The following ENOX1 variants were observed in gnomAD, a reference collection of about 807,000 sequenced individuals.
The protein encoded by ENOX1 is candidate growth-related and time keeping constitutive hydroquinone (NADH) oxidase.
ENOX1 carries 42 observed loss-of-function variants against 82.5 expected under a neutral mutation model. The ratio of observed to expected loss-of-function variants is 0.51; its 90% CI spans 0.40 to 0.66. The LOEUF (loss-of-function observed/expected upper bound fraction) is 0.66, where lower values mean the gene tolerates loss of function less well. Ranked by LOEUF, ENOX1 falls within the 30% of genes least tolerant of loss-of-function variation. The pLI is 0.00. For synonymous variants in ENOX1, 271 were observed against 282.2 expected (o/e 0.96, Z 0.40); for missense variants, 608 against 811.6 (o/e 0.75, Z 3.05).
intron 12 of ENOX1, among the ~76,000 whole-genome samples, chr13:43,277,213 T>C (rs2045097047): frequency 2.0e-5 from 3 of 152,204 alleles, no homozygotes; most frequent in South Asian, 4.1e-4. Flanking sequence ...TTTAATCTCG[T>C]CAATATCTTT....
chr13:43,383,508 G>C (rs1244463090), intron 5 of ENOX1, among the ~76,000 whole-genome samples: 1 of 152,092 alleles, frequency 6.6e-6, no homozygotes, highest in African/African-American at 2.4e-5. Context: ...TTATTATTTT[G>C]GGTTTGCAAT....
intron 12 of ENOX1, among the ~76,000 whole-genome samples, chr13:43,285,746 GCTGCACTGAGCCGAGATTGCGCCA>G (rs1199105362): frequency 8.1e-5 from 12 of 147,682 alleles, no homozygotes; most frequent in African/African-American, 3.0e-4. Context: ...GTAGGCAGAG[GCTGCACTGAGCCGAGATTGCGCCA>G]CTGCACTCCA....
At chr13:43,714,939 T>A (rs1327027767) in intron 1 of ENOX1, among the ~76,000 whole-genome samples, 1 of 152,184 alleles carries the variant, frequency 6.6e-6, no homozygotes, top group African/African-American at 2.4e-5. Context: ...ATATGTTAAT[T>A]TGGTCCTGTC....
intron 2 of ENOX1, among the ~76,000 whole-genome samples, chr13:43,485,930 G>T (rs1222632640): frequency 6.6e-6 from 1 of 152,186 alleles, no homozygotes; most frequent in African/African-American, 2.4e-5. Context: ...ACAAAAATTG[G>T]CCAGGTGCGG....
intron 2 of ENOX1, among the ~76,000 whole-genome samples, chr13:43,534,136 T>C (rs548929933): frequency 1.5e-5 from 2 of 137,282 alleles, no homozygotes; most frequent in East Asian, 3.9e-4. Flanking sequence ...TTCCGTTGTA[T>C]GAGTCCAACC....
In ENOX1 at chr13:43,497,779, A is replaced by G. The variant is rs147358318; in HGVS notation, c.-218-13627T>C. 5.6e-3 allele frequency among the ~76,000 whole-genome samples: 855 copies of G among 152,118 alleles called. 8 individuals are homozygous for G. The highest frequency in any genetic ancestry group is 0.019 in the African/African-American group (793 of 41,506). ...GACTAGAAGTGTTCTCCCCACCTCT[A>G]TTTCCCGTCTTTGTTTAAGACTGGT... On this transcript the variant is annotated intron_variant, in intron 2 of 16. Coordinates refer to ENST00000690772, the MANE Select transcript of ENOX1 (RefSeq NM_001347969.2).
chr13:43,448,578 G>A (rs552067491), intron 3 of ENOX1, among the ~76,000 whole-genome samples: 73 of 152,306 alleles, frequency 4.8e-4, no homozygotes, highest in African/African-American at 1.6e-3. Flanking sequence ...AACAGGAAAT[G>A]CAGCAGCACA....
intron 4 of ENOX1, among the ~76,000 whole-genome samples, chr13:43,412,323 G>T (rs1041365724): frequency 2.0e-5 from 3 of 152,136 alleles, no homozygotes; most frequent in Non-Finnish European, 2.9e-5. Context: ...TCGAAGAATT[G>T]TTTCCTTCTC....
chr13:43,411,496 T>A (rs903820277), intron 5 of ENOX1, among the ~76,000 whole-genome samples: 1 of 152,202 alleles, frequency 6.6e-6, no homozygotes, highest in African/African-American at 2.4e-5. Flanking sequence ...TCACCGAAAC[T>A]CTGCTCTTCT....
intron 12 of ENOX1, among the ~76,000 whole-genome samples, chr13:43,290,554 A>G (rs1022733510): frequency 2.6e-5 from 4 of 152,224 alleles, no homozygotes; most frequent in African/African-American, 9.6e-5. Context: ...AACACTGAGT[A>G]CACATGGACA....
intron 2 of ENOX1, among the ~76,000 whole-genome samples, chr13:43,489,544 G>A (rs895214083): frequency 2.0e-5 from 3 of 152,156 alleles, no homozygotes; most frequent in Non-Finnish European, 2.9e-5. Context: ...ATGACTAGTG[G>A]AACTGTGGGG....
chr13:43,640,737 G>A (rs1056001009), intron 2 of ENOX1, among the ~76,000 whole-genome samples: 4 of 152,070 alleles, frequency 2.6e-5, no homozygotes, highest in African/African-American at 9.7e-5. Context: ...CACTAATACT[G>A]TGTATTAAAA....
intron 2 of ENOX1, among the ~76,000 whole-genome samples, chr13:43,626,916 G>C (rs1343935806): frequency 6.6e-6 from 1 of 151,780 alleles, no homozygotes; most frequent in Non-Finnish European, 1.5e-5. Context: ...TTGTAGATTT[G>C]CCTGTTTCTC....
At chr13:43,436,880 T>C (rs1376042345) in intron 3 of ENOX1, among the ~76,000 whole-genome samples, 1 of 152,160 alleles carries the variant, frequency 6.6e-6, no homozygotes, top group Non-Finnish European at 1.5e-5. Context: ...ATAATCCTAG[T>C]GAAACAAAAA....
chr13:43,346,709 C>T (rs1328805510), intron 8 of ENOX1, among the ~76,000 whole-genome samples: 2 of 152,258 alleles, frequency 1.3e-5, no homozygotes, highest in South Asian at 2.1e-4. Flanking sequence ...CATGGAGAGG[C>T]CCATAATTTA....
intron 14 of ENOX1, among the ~76,000 whole-genome samples, chr13:43,257,057 T>C (rs1012010743): frequency 1.3e-5 from 2 of 152,028 alleles, no homozygotes; most frequent in African/African-American, 2.4e-5. Context: ...AACCCAGACA[T>C]AGGAAGTTAG....
intron 2 of ENOX1, among the ~76,000 whole-genome samples, chr13:43,636,339 TAAC>T (rs1231599161): frequency 6.6e-6 from 1 of 152,204 alleles, no homozygotes; most frequent in East Asian, 1.9e-4. Flanking sequence ...GTCTGGTTAA[TAAC>T]TGTTTCATGG....
intron 1 of ENOX1, among the ~76,000 whole-genome samples, chr13:43,742,459 G>C (rs2153827567): frequency 6.6e-6 from 1 of 152,198 alleles, no homozygotes; most frequent in East Asian, 1.9e-4. Context: ...GAGTGTGAGA[G>C]TGTGTTAGTT....
chr13:43,379,035 T>A (rs186885348), intron 5 of ENOX1, among the ~76,000 whole-genome samples: 2 of 151,996 alleles, frequency 1.3e-5, no homozygotes, highest in African/African-American at 4.8e-5. Flanking sequence ...GTTTTGAAGA[T>A]GGAAGACAGC....
Sources: gnomAD v4.1 joint callset for allele counts (sites outside exome capture counted in the v4.1 genomes callset) on GRCh38, gnomAD v4.1.1 for gene constraint, MANE v1.5 for transcripts, NCBI Gene and HGNC (gene_info 2026-07-23, HGNC 2026-07-21) for gene names.